Variants in ZBTB3 observed in about 807,000 individuals in gnomAD.
ZBTB3 encodes the protein zinc finger and BTB domain-containing protein 3.
A neutral mutation model predicts 30.6 loss-of-function variants in ZBTB3; 15 were observed. The observed-to-expected ratio is 0.49, with a 90% confidence interval of 0.33 to 0.75. The LOEUF (loss-of-function observed/expected upper bound fraction) is 0.75, where lower values mean the gene tolerates loss of function less well. Ranked by LOEUF, ZBTB3 falls within the 30% of genes least tolerant of loss-of-function variation. The pLI is 0.02. For synonymous variants in ZBTB3, 258 were observed against 261.7 expected (o/e 0.99, Z 0.14); for missense variants, 599 against 652.1 (o/e 0.92, Z 0.89).
chr11:62,753,294 A>T lies in ZBTB3; in HGVS notation c.371T>A (p.Leu124Gln). ...VCKRRLQARALAEADSTKKEE... is the reference protein window; with the variant it reads ...VCKRRLQARAQAEADSTKKEE... ...CTTCTTGGTACTGTCTGCCTCTGCCAGGGCCCGGGCTTGAAGCCGCCGCTT... is the reference window on the plus strand; with the variant it reads ...CTTCTTGGTACTGTCTGCCTCTGCCTGGGCCCGGGCTTGAAGCCGCCGCTT... The change falls in exon 2 of 2, where the codon CTG becomes CAG. Residue 124 changes from leucine to glutamine, a missense_variant. Transcript: ENST00000394807. 6.2e-7 allele frequency: 1 copy of T among 1,614,126 alleles called. No homozygotes were observed. Among genetic ancestry groups the T allele is most frequent in the Non-Finnish European group, 8.5e-7 (1 of 1,180,038 alleles).
At chr11:62,753,837 C>T (rs2084039599) in intron 1 of ZBTB3, 122 bp from the exon 2 acceptor site, 3 of 1,535,714 alleles carry the variant, frequency 2.0e-6, no homozygotes, top group South Asian at 1.2e-5. Context: ...TCCTAGGTCA[C>T]ACCCAAAGCT....
chr11:62,752,074 A>G lies in ZBTB3; in HGVS notation c.*16T>C. 6.3e-7 allele frequency: 1 copy of G among 1,580,656 alleles called. No individual in the cohort carries two copies. Among genetic ancestry groups the G allele is most frequent in the South Asian group, 1.2e-5 (1 of 86,270 alleles). ...CTAAGGATGGTAAGAGCAGCCTAGC[A>G]TCAGCTCATGCTCCCTTAGATGTTA... On this transcript the variant is annotated 3_prime_UTR_variant, in exon 2 of 2. Transcript: ENST00000394807.
chr11:62,753,917 C>A (rs763754112), intron 1 of ZBTB3, 47 bp downstream of exon 1: 44 of 1,607,634 alleles, frequency 2.7e-5, no homozygotes, highest in Admixed American at 1.5e-4. Flanking sequence ...AAGCCCTGCC[C>A]CCGGAAGTCC....
rs1017296046 is a variant in ZBTB3 at position 62,751,393 on chromosome 11, G to C, written c.*697C>G. ...CTGAGGCGGGTGGATCACGAGGTCA[G>C]GAGATCGAGACCATCCTGACTAACA... On this transcript the variant is annotated 3_prime_UTR_variant, in exon 2 of 2. Coordinates refer to ENST00000394807, the MANE Select transcript of ZBTB3 (RefSeq NM_001370809.1). 2 of 151,734 alleles carry C rather than the reference G, an allele frequency of 1.3e-5. No individual in the cohort carries two copies. The highest frequency in any genetic ancestry group is 1.3e-4 in the Admixed American group (2 of 15,200). 9.4% of individuals were successfully genotyped at this position (151,734 alleles called of 1,614,324 possible).
Position 62,751,965 on chromosome 11 carries a change from G to T in ZBTB3, c.*125C>A. On this transcript the variant is annotated 3_prime_UTR_variant, in exon 2 of 2. Coordinates refer to ENST00000394807, the MANE Select transcript of ZBTB3 (RefSeq NM_001370809.1). The stretch of plus-strand genomic sequence containing the variant: ...AATAAAAGATTAAAAAAAAAAAAGG[G>T]TAGGAACTTTCAGCCTGGGCAGAGC... The T allele has an allele frequency of 3.4e-6, 3 of 893,458 alleles. No individual in the cohort carries two copies. Among genetic ancestry groups the T allele is most frequent in the Non-Finnish European group, 4.9e-6 (3 of 613,918 alleles). 55.3% of individuals were successfully genotyped at this position (893,458 alleles called of 1,614,324 possible).
At position 62,752,841 on chromosome 11, in the gene ZBTB3, G is replaced by A. The variant is rs1214616370; in HGVS notation, c.824C>T (p.Ala275Val). 1.2e-6 allele frequency: 2 copies of A among 1,614,130 alleles called. No individual in the cohort carries two copies. The highest frequency in any genetic ancestry group is 8.5e-7 in the Non-Finnish European group (1 of 1,180,032). Reference sequence around the variant, plus strand: ...GGCTGGGGCTGACGTTGGGGCTGAGGCTGGGGGATAGAAGCCTTGCAGTGG... The same window carrying A: ...GGCTGGGGCTGACGTTGGGGCTGAGACTGGGGGATAGAAGCCTTGCAGTGG... ...GGPLQGFYPP[A>V]SAPTSAPAPV... Residue 275 changes from alanine to valine, a missense_variant, in exon 2 of 2, where the codon GCC (alanine) becomes GTC (valine). Physicochemically the swap from Ala to Val is moderately conservative, Grantham distance 64 (BLOSUM62 0). Coordinates refer to ENST00000394807, the MANE Select transcript of ZBTB3 (RefSeq NM_001370809.1).
rs200004303 is a variant in ZBTB3 at position 62,752,244 on chromosome 11, T to C, written c.1421A>G (p.Asn474Ser). ...TTTGCTGCGTTTGGCCAGGTCCTCA[T>C]TGTGAGCCTTGCGGATGTGGCGGTA... ...DLYRHIRKAH[N>S]EDLAKRSKPD... The change falls in exon 2 of 2, where the codon AAT becomes AGT. Residue 474 changes from asparagine to serine, a missense_variant. Asn to Ser is a conservative substitution (Grantham distance 46). Transcript: ENST00000394807. The C allele has an allele frequency of 1.2e-6, 2 of 1,614,176 alleles. No individual in the cohort carries two copies. Among genetic ancestry groups the C allele is most frequent in the Admixed American group, 1.7e-5 (1 of 60,018 alleles).
At position 62,752,447 on chromosome 11, in the gene ZBTB3, C is replaced by T; in HGVS notation, c.1218G>A (p.Glu406=). The change falls in exon 2 of 2, where the codon GAG becomes GAA. Residue 406 remains glutamate (E), a synonymous_variant. Transcript: ENST00000394807. The part of the protein sequence containing the change: ...SLHEPLYLSS[E]YEAAPGSFGV... ...CAAAGCTTCCTGGAGCTGCTTCGTA[C>T]TCAGAAGACAGGTAAAGTGGCTCAT... is the stretch of plus-strand genomic sequence containing the variant. 1.2e-6 allele frequency: 2 copies of T among 1,614,180 alleles called. No homozygotes were observed. The highest frequency in any genetic ancestry group is 3.3e-5 in the Admixed American group (2 of 60,010).
In ZBTB3 at chr11:62,754,100, T is replaced by G. The variant is rs752837499; in HGVS notation, c.-188A>C. 115 of 1,604,430 alleles carry G rather than the reference T, an allele frequency of 7.2e-5. No homozygotes were observed. The highest frequency in any genetic ancestry group is 9.2e-5 in the Non-Finnish European group (108 of 1,171,664). On this transcript the variant is annotated 5_prime_UTR_variant, in exon 1 of 2. Transcript: ENST00000394807. ...TTCCAGGGGCTAAGGACTACCAGGG[T>G]GGGAACTAGCGGAGAAAGCTGATAC...
In ZBTB3 at chr11:62,752,005, C is replaced by T; in HGVS notation, c.*85G>A. 7.4e-7 allele frequency: 1 copy of T among 1,344,984 alleles called. No homozygotes were observed. The highest frequency in any genetic ancestry group is 2.3e-5 in the East Asian group (1 of 42,892). The allele number at this position is 1,344,984 out of a possible 1,614,324, so 83.3% of individuals were successfully genotyped here. On this transcript the variant is annotated 3_prime_UTR_variant, in exon 2 of 2. Transcript: ENST00000394807. ...CTGGGCAGAGCCTTTATTCTTGTCA[C>T]CCAGCAGGGGTGATAAGGTGCCACC...
At position 62,754,156 on chromosome 11, in the gene ZBTB3, G is replaced by C; in HGVS notation, c.-244C>G. ...CCACCACCGAGCAGCCACAGGGCGA[G>C]CTCCGCCCCTTCCCACCTTCTCAGC... is the stretch of plus-strand genomic sequence containing the variant. On this transcript the variant is annotated 5_prime_UTR_variant, in exon 1 of 2. Transcript: ENST00000394807. The C allele has an allele frequency of 1.6e-6, 2 of 1,238,642 alleles. No individual in the cohort carries two copies. Among genetic ancestry groups the C allele is most frequent in the African/African-American group, 1.5e-5 (1 of 67,600 alleles). 76.7% of individuals were successfully genotyped at this position (1,238,642 alleles called of 1,614,324 possible).
Position 62,752,584 on chromosome 11 carries a change from T to C in ZBTB3, c.1081A>G (p.Ser361Gly). 1 of 1,614,172 alleles carries C rather than the reference T, an allele frequency of 6.2e-7. No homozygotes were observed. The highest frequency in any genetic ancestry group is 8.5e-7 in the Non-Finnish European group (1 of 1,180,036). Residue 361 changes from serine (S) to glycine (G), a missense_variant, in exon 2 of 2, where the codon AGT (serine) becomes GGT (glycine). Transcript: ENST00000394807. The part of the protein sequence containing the change: ...GAAGLEEVGP[S>G]DHFLPTDPHL... ...GGGTCTGTTGGCAGGAAGTGGTCAC[T>C]TGGCCCCACCTCCTCCAGTCCTGCT...
Position 62,752,444 on chromosome 11 carries a change from G to A in ZBTB3, c.1221C>T (p.Tyr407=), listed in dbSNP as rs372280170. 179 of 1,614,036 alleles carry A rather than the reference G, an allele frequency of 1.1e-4. No homozygotes were observed. The highest frequency in any genetic ancestry group is 1.4e-4 in the Non-Finnish European group (165 of 1,180,036). ...CCCCAAAGCTTCCTGGAGCTGCTTC[G>A]TACTCAGAAGACAGGTAAAGTGGCT... is the stretch of plus-strand genomic sequence containing the variant. ...LHEPLYLSSE[Y]EAAPGSFGVF... The change falls in exon 2 of 2, where the codon TAC becomes TAT. Residue 407 remains tyrosine, a synonymous_variant. Coordinates refer to ENST00000394807, the MANE Select transcript of ZBTB3 (RefSeq NM_001370809.1).
Position 62,752,124 on chromosome 11 carries a change from T to C in ZBTB3, c.1541A>G (p.Lys514Arg). The part of the protein sequence containing the change: ...RQSSSGGGPP[K>R]DFVLAPKTNI ...AGTTTTTGGGGCCAATACAAAATCT[T>C]TAGGTGGCCCTCCACCACTGCTGCT... The change falls in exon 2 of 2, where the codon AAA becomes AGA. Residue 514 changes from lysine (K) to arginine (R), a missense_variant. By Grantham distance (26) the Lys-to-Arg change is conservative. Transcript: ENST00000394807. 1 of 1,612,942 alleles carries C rather than the reference T, an allele frequency of 6.2e-7. No homozygotes were observed. The highest frequency in any genetic ancestry group is 8.5e-7 in the Non-Finnish European group (1 of 1,179,294).
rs2084031710 is a variant in ZBTB3, at chr11:62,753,094, T to C, written c.571A>G (p.Ser191Gly). The C allele has an allele frequency of 1.2e-6, 2 of 1,614,028 alleles. No individual in the cohort carries two copies. Among genetic ancestry groups the C allele is most frequent in the African/African-American group, 1.3e-5 (1 of 74,902 alleles). ...CCAGGCTGTGTAGTGTCAGCCCCACTAGACATTGGTGGCTCATCTGGAGGA... is the reference window on the plus strand; with the variant it reads ...CCAGGCTGTGTAGTGTCAGCCCCACCAGACATTGGTGGCTCATCTGGAGGA... ...VRPPDEPPMS[S>G]GADTTQPGME... The change falls in exon 2 of 2, where the codon AGT (serine) becomes GGT (glycine). Residue 191 changes from serine to glycine, a missense_variant. Transcript: ENST00000394807.
chr11:62,752,910 C>G lies in ZBTB3; in HGVS notation c.755G>C (p.Gly252Ala). The change falls in exon 2 of 2, where the codon GGT becomes GCT. Residue 252 changes from glycine (G) to alanine (A), a missense_variant. Coordinates refer to ENST00000394807, the MANE Select transcript of ZBTB3 (RefSeq NM_001370809.1). Reference protein sequence around the residue: ...SLEPLPSLDVGPESLRVVEPK... With the variant: ...SLEPLPSLDVAPESLRVVEPK... The stretch of plus-strand genomic sequence containing the variant: ...TTCCACCACCCTCAGACTCTCAGGA[C>G]CCACATCAAGAGATGGCAGTGGCTC... The G allele has an allele frequency of 6.2e-7, 1 of 1,614,134 alleles. No homozygotes were observed. Among genetic ancestry groups the G allele is most frequent in the Non-Finnish European group, 8.5e-7 (1 of 1,180,030 alleles).
In ZBTB3 at chr11:62,753,153, C is replaced by T; in HGVS notation, c.512G>A (p.Trp171Ter). The T allele has an allele frequency of 6.2e-7, 1 of 1,614,174 alleles. No individual in the cohort carries two copies. Residue 171 changes from tryptophan to a stop codon, truncating the protein, a stop_gained, in exon 2 of 2, where the codon TGG becomes TAG. Coordinates refer to ENST00000394807, the MANE Select transcript of ZBTB3 (RefSeq NM_001370809.1). LOFTEE classifies it high-confidence loss of function. ...ETSGHWGKGE[W>*]KGSAAPSPTV... is the part of the protein sequence containing the mutation. Reference sequence around the variant, plus strand: ...AGGTGAGGGAGCAGCAGAGCCTTTCCATTCCCCTTTGCCCCAGTGGCCTGA... The same window carrying T: ...AGGTGAGGGAGCAGCAGAGCCTTTCTATTCCCCTTTGCCCCAGTGGCCTGA...
In ZBTB3 at chr11:62,752,496, G is replaced by C; in HGVS notation, c.1169C>G (p.Pro390Arg). ...ATGCAGGGATGCGGGTGCAGGCAGAGGTGAGGTCACCAGTCCTCGATGATA... is the reference window on the plus strand; with the variant it reads ...ATGCAGGGATGCGGGTGCAGGCAGACGTGAGGTCACCAGTCCTCGATGATA... ...GQYHRGLVTSPLPAPASLHEP... is the reference protein window; with the variant it reads ...GQYHRGLVTSRLPAPASLHEP... Residue 390 changes from proline to arginine, a missense_variant, in exon 2 of 2, where the codon CCT becomes CGT. Physicochemically the swap from Pro to Arg is moderately radical, Grantham distance 103 (BLOSUM62 -2). Coordinates refer to ENST00000394807, the MANE Select transcript of ZBTB3 (RefSeq NM_001370809.1). 6.2e-7 allele frequency: 1 copy of C among 1,614,202 alleles called. No individual in the cohort carries two copies. Among genetic ancestry groups the C allele is most frequent in the Non-Finnish European group, 8.5e-7 (1 of 1,180,046 alleles).
chr11:62,753,248 C>T lies in ZBTB3; in HGVS notation c.417G>A (p.Gln139=), dbSNP rs1276419226. Residue 139 remains glutamine, a synonymous_variant, in exon 2 of 2, where the codon CAG becomes CAA. Transcript: ENST00000394807. ...STKKEEETNS[Q]LPSLEFLSST... The stretch of plus-strand genomic sequence containing the variant: ...TAGACAAAAACTCCAAACTAGGAAG[C>T]TGTGAGTTGGTTTCCTCCTCCTTCT... 1.9e-6 allele frequency: 3 copies of T among 1,614,184 alleles called. No individual in the cohort carries two copies. Among genetic ancestry groups the T allele is most frequent in the Non-Finnish European group, 1.7e-6 (2 of 1,180,040 alleles).
Sources: allele counts gnomAD v4.1 joint callset, GRCh38; gene constraint gnomAD v4.1.1; transcripts MANE v1.5; gene names NCBI Gene and HGNC (gene_info 2026-07-23, HGNC 2026-07-21).